DPP10: variants seen among roughly 807,000 people sequenced by gnomAD.
DPP10 encodes dipeptidyl peptidase like 10.
Under a neutral mutation model 120.9 loss-of-function variants are expected in DPP10, and 33 were observed. The observed-to-expected ratio is 0.27, with a 90% CI of 0.21 to 0.37. The LOEUF is 0.37. Among genes scored for constraint, DPP10 ranks in the 10% least tolerant of loss-of-function variants. The pLI is 1.00. For synonymous variants in DPP10, 337 were observed against 326.1 expected, an observed-to-expected ratio of 1.03 and a Z score of -0.36; for missense variants, 816 against 942.8, an observed-to-expected ratio of 0.87 and a Z score of 1.76.
intron 1 of DPP10, among the ~76,000 whole-genome samples, chr2:114,953,816 TGTTA>T (rs1163417477): frequency 6.6e-6 from 1 of 152,166 alleles, no homozygotes; most frequent in Non-Finnish European, 1.5e-5. Context: ...ATGTTTTGTT[TGTTA>T]TTTATTATAC....
At position 114,619,625 on chromosome 2, in the gene DPP10, A is replaced by T. The variant is rs77787434; in HGVS notation, c.60+176787A>T. ...ACACCTGAACCAGATAAAATAAAAT[A>T]AAATTAAATTAAAATAAGCATTGAT... is the stretch of plus-strand genomic sequence containing the variant. On this transcript the variant is annotated intron_variant, in intron 1 of 25. Coordinates refer to ENST00000410059, the MANE Select transcript of DPP10 (RefSeq NM_020868.6). 4.8e-3 allele frequency among the ~76,000 whole-genome samples: 723 copies of T among 152,186 alleles called. 3 individuals are homozygous for T. The highest frequency in any genetic ancestry group is 4.9e-3 in the African/African-American group (204 of 41,562).
chr2:115,319,071 G>T (rs1409719927), intron 2 of DPP10, among the ~76,000 whole-genome samples: 2 of 152,038 alleles, frequency 1.3e-5, no homozygotes, highest in African/African-American at 4.8e-5. Flanking sequence ...ATTGTTGAGG[G>T]AGATTCTTTT....
At chr2:114,983,082 A>G (rs1161545867) in intron 1 of DPP10, among the ~76,000 whole-genome samples, 5 of 152,206 alleles carry the variant, frequency 3.3e-5, no homozygotes, top group African/African-American at 9.6e-5. Flanking sequence ...AAGACGCATT[A>G]TAACTAATGA....
chr2:114,903,382 T>G (rs993687382), intron 1 of DPP10, among the ~76,000 whole-genome samples: 7 of 152,240 alleles, frequency 4.6e-5, no homozygotes, highest in African/African-American at 1.7e-4. Flanking sequence ...AAAGTTGTAC[T>G]ATTTTGCATT....
chr2:115,340,350 G>A (rs1274555279), intron 2 of DPP10, among the ~76,000 whole-genome samples: 2 of 151,890 alleles, frequency 1.3e-5, no homozygotes, highest in Non-Finnish European at 2.9e-5. Flanking sequence ...AAATTCAATT[G>A]GAAGGGCAAA....
chr2:115,429,995 C>T (rs1028633894), intron 3 of DPP10, among the ~76,000 whole-genome samples: 2 of 152,164 alleles, frequency 1.3e-5, no homozygotes, highest in East Asian at 1.9e-4. Context: ...GAAAGCAGTT[C>T]GTTTTGGAGG....
chr2:114,760,321 A>G (rs1680169833), intron 1 of DPP10, among the ~76,000 whole-genome samples: 1 of 152,188 alleles, frequency 6.6e-6, no homozygotes, highest in Non-Finnish European at 1.5e-5. Flanking sequence ...TTTGGCGTGC[A>G]TCCCCCAGCC....
chr2:115,187,368 A>G (rs1323356375), intron 1 of DPP10, among the ~76,000 whole-genome samples: 1 of 152,120 alleles, frequency 6.6e-6, no homozygotes, highest in African/African-American at 2.4e-5. Context: ...ATAAAGAGAA[A>G]CAAATCCAGC....
At chr2:115,168,109 C>G (rs2053041827) in intron 1 of DPP10, among the ~76,000 whole-genome samples, 1 of 151,928 alleles carries the variant, frequency 6.6e-6, no homozygotes, top group Non-Finnish European at 1.5e-5. Flanking sequence ...CATGTCCCTA[C>G]TGTTATGGGG....
chr2:115,713,932 G>C (rs1246582331), intron 7 of DPP10, among the ~76,000 whole-genome samples: 2 of 152,134 alleles, frequency 1.3e-5, no homozygotes, highest in Non-Finnish European at 2.9e-5. Flanking sequence ...TGCCCCAGAA[G>C]TCCACTGCTC....
At position 115,468,957 on chromosome 2, in the gene DPP10, C is replaced by CT. The variant is rs55673607; in HGVS notation, c.272-30538dup. 1.9e-3 allele frequency: 356 copies of CT among 183,164 alleles called. 1 individual carries two copies. The highest frequency in any genetic ancestry group is 6.7e-3 in the Middle Eastern group (3 of 446). The allele number at this position is 183,164 out of a possible 1,614,324, so 11.3% of individuals were successfully genotyped here. A position where few individuals can be genotyped will look rare whatever the true frequency, so the allele number is the denominator to read the frequency against. Reference sequence around the variant, plus strand: ...GTCTTAAGCTGTTCTTTCATAGATACTTTTTTTTTTTTTTTCCTCCTGAGA... The same window carrying CT: ...GTCTTAAGCTGTTCTTTCATAGATACTTTTTTTTTTTTTTTTCCTCCTGAGA... On this transcript the variant is annotated intron_variant, in intron 3 of 25. Coordinates refer to ENST00000410059, the MANE Select transcript of DPP10 (RefSeq NM_020868.6).
rs1290080145 is a variant in DPP10 at position 115,845,739 on chromosome 2, G to A, written c.*3394G>A. On this transcript the variant is annotated 3_prime_UTR_variant, in exon 26 of 26. Transcript: ENST00000410059. Reference sequence around the variant, plus strand: ...GGAGAAATAAAATAAGAATAAATCAGTGGTTTATTTTCAGGTTCGAATAAA... The same window carrying A: ...GGAGAAATAAAATAAGAATAAATCAATGGTTTATTTTCAGGTTCGAATAAA... The A allele has an allele frequency of 6.6e-6, 1 of 152,160 alleles. No individual in the cohort carries two copies. The highest frequency in any genetic ancestry group is 1.5e-5 in the Non-Finnish European group (1 of 68,030). The allele number at this position is 152,160 out of a possible 1,614,324, so 9.4% of individuals were successfully genotyped here. A position where few individuals can be genotyped will look rare whatever the true frequency, so the allele number is the denominator to read the frequency against.
At chr2:114,799,420 C>T (rs1574216689) in intron 1 of DPP10, among the ~76,000 whole-genome samples, 1 of 152,174 alleles carries the variant, frequency 6.6e-6, no homozygotes, top group East Asian at 1.9e-4. Context: ...TTGTGATCAC[C>T]ACCAGGTGTA....
intron 3 of DPP10, among the ~76,000 whole-genome samples, chr2:115,421,383 AATTCTAACC>A (rs2069939444): frequency 1.3e-5 from 2 of 152,186 alleles, no homozygotes; most frequent in African/African-American, 2.4e-5. Flanking sequence ...CAAATTAAAA[AATTCTAACC>A]ATGTTCTTAC....
At chr2:115,537,387 T>C (rs1230261208) in intron 5 of DPP10, among the ~76,000 whole-genome samples, 2 of 152,000 alleles carry the variant, frequency 1.3e-5, no homozygotes, top group Admixed American at 1.3e-4. Context: ...AGGCTTAGCA[T>C]GGAGAAAAAG....
chr2:115,579,272 G>A (rs1489505227), intron 5 of DPP10: 5 of 152,086 alleles, frequency 3.3e-5, no homozygotes, highest in Admixed American at 6.5e-5. Flanking sequence ...CCACAGTAAG[G>A]AATACGCACA....
chr2:114,891,574 A>G (rs1262473743), intron 1 of DPP10, among the ~76,000 whole-genome samples: 1 of 152,202 alleles, frequency 6.6e-6, no homozygotes, highest in East Asian at 1.9e-4. Context: ...AGCTATGTGG[A>G]ATGAACCAAG....
chr2:115,393,839 C>G (rs1348940173), intron 3 of DPP10, among the ~76,000 whole-genome samples: 1 of 152,036 alleles, frequency 6.6e-6, no homozygotes, highest in Non-Finnish European at 1.5e-5. Context: ...GTTGGCTAGG[C>G]CAAGTAAGGG....
At position 115,763,859 on chromosome 2, in the gene DPP10, A is replaced by T. The variant is rs115971628; in HGVS notation, c.1113+1249A>T. On this transcript the variant is annotated intron_variant, in intron 12 of 25. Coordinates refer to ENST00000410059, the MANE Select transcript of DPP10 (RefSeq NM_020868.6). ...CAAGGGATTAATTGAAAGCTTTTTC[A>T]GCTCTGAGTCATAGAATCATTTGAT... Among the ~76,000 whole-genome samples, 904 of 152,334 alleles carry T rather than the reference A, an allele frequency of 5.9e-3. 2 individuals carry two copies. The highest frequency in any genetic ancestry group is 9.9e-3 in the Non-Finnish European group (671 of 68,034).
Sources: gnomAD v4.1 joint callset for allele counts (sites outside exome capture counted in the v4.1 genomes callset) on GRCh38, gnomAD v4.1.1 for gene constraint, MANE v1.5 for transcripts, NCBI Gene and HGNC (gene_info 2026-07-23, HGNC 2026-07-21) for gene names.